The following SRMS variants were observed in gnomAD, a reference collection of about 807,000 sequenced individuals.
SRMS encodes the protein tyrosine-protein kinase Srms.
Under a neutral mutation model 43.5 loss-of-function variants are expected in SRMS, and 42 were observed. The observed-to-expected ratio is 0.97, with a 90% CI of 0.75 to 1.25. The LOEUF (loss-of-function observed/expected upper bound fraction) is 1.25, where lower values mean the gene tolerates loss of function less well. SRMS is among the 50% of genes most tolerant of loss of function. The probability of loss-of-function intolerance (pLI) is 0.00; values close to 1 mark genes in which losing one functional copy is unlikely to be tolerated. For synonymous variants in SRMS, 316 were observed against 308.2 expected (o/e 1.03, Z -0.27); for missense variants, 703 against 681.0 (o/e 1.03, Z -0.36).
rs1362778850 is a variant in SRMS at position 63,544,254 on chromosome 20, T to C, written c.451A>G (p.Ser151Gly). The change falls in exon 2 of 8, where the codon AGC becomes GGC. Residue 151 changes from serine (S) to glycine (G), a missense_variant. Coordinates refer to ENST00000217188, the MANE Select transcript of SRMS (RefSeq NM_080823.4). ...GACAGTGAGTAGCCCCCGAGGCTGC[T>C]CTCGCTGGGCCGGATGAGGAAGGCC... is the stretch of plus-strand genomic sequence containing the variant. The part of the protein sequence containing the change: ...PGAFLIRPSE[S>G]SLGGYSLSVR... 1.4e-6 allele frequency: 2 copies of C among 1,472,604 alleles called. No individual in the cohort carries two copies. Among genetic ancestry groups the C allele is most frequent in the African/African-American group, 2.9e-5 (2 of 68,254 alleles). The allele number at this position is 1,472,604 out of a possible 1,614,324, so 91.2% of individuals were successfully genotyped here. A position where few individuals can be genotyped will look rare whatever the true frequency, so the allele number is the denominator to read the frequency against.
Position 63,540,122 on chromosome 20 carries a change from C to T in SRMS, c.*696G>A, listed in dbSNP as rs1051959445. Among the ~76,000 whole-genome samples the T allele has an allele frequency of 1.3e-5, 2 of 152,202 alleles. No individual in the cohort carries two copies. The highest frequency in any genetic ancestry group is 2.9e-5 in the Non-Finnish European group (2 of 68,032). ...GGGGGCTGAGCCTGTGTGTGATGTGCGCCTGTGTGCGTGTCTGAGTGGGTC... is the reference window on the plus strand; with the variant it reads ...GGGGGCTGAGCCTGTGTGTGATGTGTGCCTGTGTGCGTGTCTGAGTGGGTC... On this transcript the variant is annotated 3_prime_UTR_variant, in exon 8 of 8. Transcript: ENST00000217188.
At chr20:63,543,805 T>C (rs2082716767) in intron 2 of SRMS, 1 of 366,058 alleles carries the variant, frequency 2.7e-6, no homozygotes, top group Non-Finnish European at 5.0e-6. Flanking sequence ...AATGAATGAA[T>C]GAACGAATAA....
At chr20:63,541,933 C>G (rs911403450) in intron 5 of SRMS, among the ~76,000 whole-genome samples, 1 of 152,232 alleles carries the variant, frequency 6.6e-6, no homozygotes, top group Non-Finnish European at 1.5e-5. Flanking sequence ...CCACCGCCCC[C>G]GAACACCAGC....
chr20:63,547,398 C>T lies in SRMS; in HGVS notation c.66G>A (p.Ala22=), dbSNP rs768842767. 6.7e-5 allele frequency: 105 copies of T among 1,557,026 alleles called. No individual in the cohort carries two copies. The South Asian group carries it at 7.2e-4, about 11-fold the overall frequency. The change falls in exon 1 of 8, where the codon GCG becomes GCA. Residue 22 remains alanine (A), a synonymous_variant. Transcript: ENST00000217188. ...LSFFWDKIWP[A]GGEPDHGTPG... ...GGGTGCCATGGTCCGGCTCGCCGCC[C>T]GCCGGCCAGATCTTGTCCCAGAAGA... is the stretch of plus-strand genomic sequence containing the variant.
At chr20:63,545,293 G>C (rs539670335) in intron 1 of SRMS, among the ~76,000 whole-genome samples, 7 of 152,298 alleles carry the variant, frequency 4.6e-5, no homozygotes, top group African/African-American at 1.2e-4. Context: ...CCAAGGCGGG[G>C]ACTCCACACC....
Position 63,541,314 on chromosome 20 carries a change from T to A in SRMS, c.1162A>T (p.Ile388Phe). 1.9e-6 allele frequency: 3 copies of A among 1,546,746 alleles called. No homozygotes were observed. Among genetic ancestry groups the A allele is most frequent in the Non-Finnish European group, 2.6e-6 (3 of 1,148,312 alleles). Reference sequence around the variant, plus strand: ...TCAGGCGCTGTCCACTTGACCGGGATCTTGGAGCTGCTGCTCGGGGAGTAG... The same window carrying A: ...TCAGGCGCTGTCCACTTGACCGGGAACTTGGAGCTGCTGCTCGGGGAGTAG... ...DIYSPSSSSK[I>F]PVKWTAPEAA... is the part of the protein sequence containing the mutation. The change falls in exon 7 of 8, where the codon ATC becomes TTC. Residue 388 changes from isoleucine to phenylalanine, a missense_variant. Ile to Phe is a conservative substitution (Grantham distance 21). Transcript: ENST00000217188.
intron 1 of SRMS, 120 bp from the exon 2 acceptor site, chr20:63,544,468 C>T (rs1428614163): frequency 2.3e-6 from 3 of 1,280,354 alleles, no homozygotes; most frequent in Non-Finnish European, 3.0e-6. Context: ...GGAGAAGGTC[C>T]ACCCCGTGGA....
At position 63,541,286 on chromosome 20, in the gene SRMS, G is replaced by A. The variant is rs6011889; in HGVS notation, c.1190C>T (p.Ala397Val). 0.019 allele frequency: 29,223 copies of A among 1,560,672 alleles called. 3,729 individuals carry two copies. In the African/African-American group the frequency reaches 0.31, roughly 17 times the overall value. The change falls in exon 7 of 8, where the codon GCG (alanine) becomes GTG (valine). Residue 397 changes from alanine (A) to valine (V), a missense_variant. Ala to Val is a moderately conservative substitution (Grantham distance 64). Coordinates refer to ENST00000217188, the MANE Select transcript of SRMS (RefSeq NM_080823.4). ...CTGGGAGAAGACACGATAATTGGCC[G>A]CCTCAGGCGCTGTCCACTTGACCGG... ...KIPVKWTAPEAANYRVFSQKS... is the reference protein window; with the variant it reads ...KIPVKWTAPEVANYRVFSQKS...
In SRMS at chr20:63,538,490, G is replaced by A. The variant is rs1277566410; in HGVS notation, c.*2328C>T. On this transcript the variant is annotated 3_prime_UTR_variant, in exon 8 of 8. Coordinates refer to ENST00000217188, the MANE Select transcript of SRMS (RefSeq NM_080823.4). Reference sequence around the variant, plus strand: ...GGGTGGTAAGGAAAGTCCCTAAACTGCGTATTTCAACTTTTATTTTTATTG... The same window carrying A: ...GGGTGGTAAGGAAAGTCCCTAAACTACGTATTTCAACTTTTATTTTTATTG... Among the ~76,000 whole-genome samples, 5 of 152,224 alleles carry A rather than the reference G, an allele frequency of 3.3e-5. No individual in the cohort carries two copies. Among genetic ancestry groups the A allele is most frequent in the Non-Finnish European group, 1.5e-5 (1 of 68,034 alleles).
intron 3 of SRMS, 28 bp downstream of exon 3, chr20:63,543,286 T>C (rs751012468): frequency 1.4e-5 from 22 of 1,608,520 alleles, no homozygotes; most frequent in Non-Finnish European, 1.9e-5. Flanking sequence ...GGGCCCAGCA[T>C]GGGGCAGCTT....
rs374113457 is a variant in SRMS at position 63,540,609 on chromosome 20, G to A, written c.*209C>T. Among the ~76,000 whole-genome samples the A allele has an allele frequency of 0.01, 1,543 of 151,606 alleles. 156 individuals carry two copies. The South Asian group carries it at 0.25, about 24-fold the overall frequency. On this transcript the variant is annotated 3_prime_UTR_variant, in exon 8 of 8. Coordinates refer to ENST00000217188, the MANE Select transcript of SRMS (RefSeq NM_080823.4). ...TGGGGGACGTCAGCCCCAGCCCTCC[G>A]TCTGCACGAGTCACACTGCACGGGG...
At position 63,538,797 on chromosome 20, in the gene SRMS, G is replaced by A. The variant is rs1361995427; in HGVS notation, c.*2021C>T. 6.6e-6 allele frequency among the ~76,000 whole-genome samples: 1 copy of A among 152,120 alleles called. No homozygotes were observed. Among genetic ancestry groups the A allele is most frequent in the Non-Finnish European group, 1.5e-5 (1 of 67,984 alleles). ...GTCCCTCAGAGCCCGGCCAGACTCT[G>A]GGCCCGTGAGTCTATGTCCAGGAAG... On this transcript the variant is annotated 3_prime_UTR_variant, in exon 8 of 8. Transcript: ENST00000217188.
chr20:63,543,244 G>T (rs370117744), intron 3 of SRMS, 70 bp downstream of exon 3: 109 of 1,560,894 alleles, frequency 7.0e-5, no homozygotes, highest in Non-Finnish European at 8.2e-5. Flanking sequence ...GTGACGGGGT[G>T]GGGAGGAGCA....
chr20:63,547,480 G>T lies in SRMS; in HGVS notation c.-17C>A. The T allele has an allele frequency of 2.0e-6, 3 of 1,464,624 alleles. No homozygotes were observed. Among genetic ancestry groups the T allele is most frequent in the African/African-American group, 1.4e-5 (1 of 69,744 alleles). The allele number at this position is 1,464,624 out of a possible 1,614,324, so 90.7% of individuals were successfully genotyped here. A position where few individuals can be genotyped will look rare whatever the true frequency, so the allele number is the denominator to read the frequency against. On this transcript the variant is annotated 5_prime_UTR_variant, in exon 1 of 8. Coordinates refer to ENST00000217188, the MANE Select transcript of SRMS (RefSeq NM_080823.4). ...CGGCTCCATCCCCCGGGGTCACCACGCTGGGCCCGAGGGCCATGGGAGCCC... is the reference window on the plus strand; with the variant it reads ...CGGCTCCATCCCCCGGGGTCACCACTCTGGGCCCGAGGGCCATGGGAGCCC...
Position 63,547,370 on chromosome 20 carries a change from CG to C in SRMS, c.93del (p.Ser33ProfsTer38). ...PAGGEPDHGT[P>X]GSLDPNTDPV... ...GGGTCAGTGTTGGGGTCCAGGGACC[CG>C]GGGGTGCCATGGTCCGGCTCGCCGC... On this transcript the variant is annotated frameshift_variant, in exon 1 of 8. Coordinates refer to ENST00000217188, the MANE Select transcript of SRMS (RefSeq NM_080823.4). LOFTEE classifies it high-confidence loss of function. The C allele has an allele frequency of 1.3e-6, 2 of 1,574,726 alleles. No homozygotes were observed. The highest frequency in any genetic ancestry group is 1.7e-6 in the Non-Finnish European group (2 of 1,160,722).
chr20:63,542,719 G>A, intron 3 of SRMS, 138 bp from the exon 4 acceptor site: 3 of 1,176,002 alleles, frequency 2.6e-6, no homozygotes, highest in Non-Finnish European at 3.5e-6. Flanking sequence ...GGACAAAGGG[G>A]AGTGGGTGCC....
rs763517763 is a variant in SRMS, at chr20:63,541,635, G to A, written c.947-15C>T. 21 of 1,506,872 alleles carry A rather than the reference G, an allele frequency of 1.4e-5. No individual in the cohort carries two copies. The highest frequency in any genetic ancestry group is 1.1e-4 in the African/African-American group (8 of 72,188). 93.3% of individuals were successfully genotyped at this position (1,506,872 alleles called of 1,614,324 possible). On this transcript the variant is annotated splice_polypyrimidine_tract_variant and intron_variant, in intron 5 of 7. Coordinates refer to ENST00000217188, the MANE Select transcript of SRMS (RefSeq NM_080823.4). ...GCCCTCGGGGGCTGCAGGAGACAGC[G>A]CGGGGTCTTTTAGGGCACGGGGCCA...
chr20:63,543,904 T>C (rs1418665359), intron 2 of SRMS, among the ~76,000 whole-genome samples: 1 of 152,050 alleles, frequency 6.6e-6, no homozygotes, highest in Non-Finnish European at 1.5e-5. Context: ...AATGAGTGGA[T>C]GAATGGATGA....
At position 63,542,455 on chromosome 20, in the gene SRMS, T is replaced by C; in HGVS notation, c.772A>G (p.Lys258Glu). The change falls in exon 4 of 8, where the codon AAG becomes GAG. Residue 258 changes from lysine (K) to glutamate (E), a missense_variant. By Grantham distance (56) the Lys-to-Glu change is moderately conservative. Transcript: ENST00000217188. Reference sequence around the variant, plus strand: ...GGGGCCTCACCTGACTTGATGACCTTGATCGCCACGGGCAGGGAGCCCAGC... The same window carrying C: ...GGGGCCTCACCTGACTTGATGACCTCGATCGCCACGGGCAGGGAGCCCAGC... The part of the protein sequence containing the change: ...LWLGSLPVAI[K>E]VIKSANMKLT... 6.2e-7 allele frequency: 1 copy of C among 1,611,910 alleles called. No homozygotes were observed. The highest frequency in any genetic ancestry group is 8.5e-7 in the Non-Finnish European group (1 of 1,179,474).
Sources: gnomAD v4.1 joint callset for allele counts (sites outside exome capture counted in the v4.1 genomes callset) on GRCh38, gnomAD v4.1.1 for gene constraint, MANE v1.5 for transcripts, NCBI Gene and HGNC (gene_info 2026-07-23, HGNC 2026-07-21) for gene names.